SLC24A2: variants seen among roughly 807,000 people sequenced by gnomAD.
SLC24A2 encodes the protein solute carrier family 24 member 2, also known as sodium/potassium/calcium exchanger 2.
Under a neutral mutation model 62.0 loss-of-function variants are expected in SLC24A2, and 36 were observed. The ratio of observed to expected loss-of-function variants is 0.58; its 90% CI spans 0.44 to 0.77. The LOEUF is 0.77. SLC24A2 is among the 30% of genes least tolerant of loss of function. The pLI, the probability that SLC24A2 is intolerant of heterozygous loss-of-function variation, is 0.00. For synonymous variants in SLC24A2, 358 were observed against 294.0 expected, an observed-to-expected ratio of 1.22 and a Z score of -2.23; for missense variants, 846 against 817.9, an observed-to-expected ratio of 1.03 and a Z score of -0.42.
At chr9:20,029,787 G>A in the SLC24A2 span, among the ~76,000 whole-genome samples, 1 of 152,106 alleles carries the variant, frequency 6.6e-6, no homozygotes, top group Admixed American at 6.5e-5. Context: ...CCTGATACTA[G>A]CTAGAGTTCC....
chr9:20,272,718 G>A, the SLC24A2 span, among the ~76,000 whole-genome samples: 2 of 152,122 alleles, frequency 1.3e-5, no homozygotes, highest in Non-Finnish European at 2.9e-5. Flanking sequence ...TAAAATTAAT[G>A]GCATCTCTTG....
At chr9:20,092,452 T>A in the SLC24A2 span, among the ~76,000 whole-genome samples, 26 of 152,158 alleles carry the variant, frequency 1.7e-4, no homozygotes, top group Non-Finnish European at 3.4e-4. Flanking sequence ...TAGACTTTTT[T>A]ATTTTTTTTA....
chr9:19,565,958 A>C lies in SLC24A2; in HGVS notation c.1347+7393T>G, dbSNP rs113147919. On this transcript the variant is annotated intron_variant, in intron 7 of 10. Transcript: ENST00000341998. ...TCCCTTCCTTACACCTTATACAAAA[A>C]TTAATTCAAGATGGATTAAAGACTT... Among the ~76,000 whole-genome samples the C allele has an allele frequency of 4.2e-4, 63 of 151,480 alleles. 1 individual carries two copies. The highest frequency in any genetic ancestry group is 1.4e-3 in the African/African-American group (59 of 40,784).
the SLC24A2 span, among the ~76,000 whole-genome samples, chr9:19,914,529 C>T: frequency 2.0e-5 from 3 of 151,992 alleles, no homozygotes; most frequent in African/African-American, 7.3e-5. Flanking sequence ...TCTAAAAAGG[C>T]TATCCTCAGG....
chr9:19,938,198 C>T, the SLC24A2 span, among the ~76,000 whole-genome samples: 1 of 152,002 alleles, frequency 6.6e-6, no homozygotes, highest in South Asian at 2.1e-4. Flanking sequence ...CTGTATAACC[C>T]ATCATTTTGG....
the SLC24A2 span, among the ~76,000 whole-genome samples, chr9:19,956,737 T>TCCTC: frequency 6.6e-6 from 1 of 152,126 alleles, no homozygotes; most frequent in African/African-American, 2.4e-5. Context: ...CCCACCAGAT[T>TCCTC]CCTCCCATGA....
chr9:19,536,193 TTTA>T (rs1199538898), intron 8 of SLC24A2, among the ~76,000 whole-genome samples: 2 of 149,632 alleles, frequency 1.3e-5, no homozygotes, highest in African/African-American at 5.0e-5. Flanking sequence ...TTTTTAATTT[TTTA>T]TTTATTTATT....
chr9:19,676,566 G>A (rs1323586138), intron 2 of SLC24A2, among the ~76,000 whole-genome samples: 9 of 151,994 alleles, frequency 5.9e-5, no homozygotes, highest in Non-Finnish European at 1.3e-4. Context: ...TTTTCCACAT[G>A]TGTATCTTAT....
In SLC24A2 at chr9:19,511,207, T is replaced by A. The variant is rs1832702923; in HGVS notation, c.*4946A>T. 6.6e-6 allele frequency: 1 copy of A among 152,160 alleles called. No homozygotes were observed. Among genetic ancestry groups the A allele is most frequent in the Admixed American group, 6.6e-5 (1 of 15,248 alleles). 9.4% of individuals were successfully genotyped at this position (152,160 alleles called of 1,614,324 possible). A position where few individuals can be genotyped will look rare whatever the true frequency, so the allele number is the denominator to read the frequency against. ...TCATAAGTAATAGAGTTGAGCTGGC[T>A]GTGAGTAGTTCCCTTATTGCTTTTC... On this transcript the variant is annotated 3_prime_UTR_variant, in exon 11 of 11. Coordinates refer to ENST00000341998, the MANE Select transcript of SLC24A2 (RefSeq NM_020344.4).
the SLC24A2 span, among the ~76,000 whole-genome samples, chr9:20,058,811 A>G: frequency 1.1e-4 from 16 of 152,214 alleles, no homozygotes; most frequent in Admixed American, 7.2e-4. Flanking sequence ...ATGTGTGTAC[A>G]GTTTTCCACC....
the SLC24A2 span, among the ~76,000 whole-genome samples, chr9:19,873,718 A>C: frequency 8.0e-4 from 122 of 152,186 alleles, no homozygotes; most frequent in African/African-American, 2.8e-3. Context: ...TAGAGACAAA[A>C]CTCAGTTTTA....
chr9:19,781,641 G>A (rs999287543), intron 2 of SLC24A2, among the ~76,000 whole-genome samples: 1 of 152,190 alleles, frequency 6.6e-6, no homozygotes, highest in East Asian at 1.9e-4. Context: ...TGTATCCCTA[G>A]ATAAACACAC....
the SLC24A2 span, among the ~76,000 whole-genome samples, chr9:20,051,657 C>CTCTTTTTTTTTTT: frequency 3.1e-4 from 23 of 73,476 alleles, no homozygotes; most frequent in Non-Finnish European, 4.1e-4. Flanking sequence ...TTTTCTTTCT[C>CTCTTTTTTTTTTT]TTTTTTTTTT....
the SLC24A2 span, among the ~76,000 whole-genome samples, chr9:19,809,097 TTTTG>T: frequency 6.6e-6 from 1 of 152,220 alleles, no homozygotes; most frequent in Non-Finnish European, 1.5e-5. Context: ...CCTTTGGCTT[TTTTG>T]TTTTTCTGTT....
At chr9:19,985,622 G>A in the SLC24A2 span, among the ~76,000 whole-genome samples, 1 of 152,134 alleles carries the variant, frequency 6.6e-6, no homozygotes, top group Non-Finnish European at 1.5e-5. Flanking sequence ...TGTTTAATGA[G>A]TAGTGAAAAT....
the SLC24A2 span, among the ~76,000 whole-genome samples, chr9:19,941,181 G>T: frequency 6.6e-6 from 1 of 152,174 alleles, no homozygotes; most frequent in Admixed American, 6.5e-5. Context: ...CAGTCTATAT[G>T]GGGTCCCTGG....
chr9:20,024,292 T>G, the SLC24A2 span, among the ~76,000 whole-genome samples: 1 of 152,238 alleles, frequency 6.6e-6, no homozygotes, highest in African/African-American at 2.4e-5. Context: ...GGAAAGTGAT[T>G]TGCAAGAGAC....
chr9:19,545,060 C>T (rs1413777570), intron 8 of SLC24A2, among the ~76,000 whole-genome samples: 1 of 152,148 alleles, frequency 6.6e-6, no homozygotes, highest in African/African-American at 2.4e-5. Context: ...CTTTCAGGTA[C>T]ACCAATCAGA....
At chr9:19,990,922 G>GATATATATATGTGTATATATATATCT in the SLC24A2 span, among the ~76,000 whole-genome samples, 1 of 120,812 alleles carries the variant, frequency 8.3e-6, no homozygotes, top group Non-Finnish European at 1.6e-5. Flanking sequence ...GGACTAATAG[G>GATATATATATGTGTATATATATATCT]ATATATATAT....
Sources: allele counts gnomAD v4.1 joint callset (sites outside exome capture counted in the v4.1 genomes callset), GRCh38; gene constraint gnomAD v4.1.1; transcripts MANE v1.5; gene names NCBI Gene and HGNC (gene_info 2026-07-23, HGNC 2026-07-21).